IVNS1ABP: variants seen among roughly 807,000 people sequenced by gnomAD.
The protein encoded by IVNS1ABP is influenza virus NS1A-binding protein.
A neutral mutation model predicts 78.9 loss-of-function variants in IVNS1ABP; 25 were observed. The observed-to-expected ratio is 0.32, with a 90% CI of 0.23 to 0.44. The LOEUF is 0.44. Among genes scored for constraint, IVNS1ABP ranks in the 20% least tolerant of loss-of-function variants. The pLI, the probability that IVNS1ABP is intolerant of heterozygous loss-of-function variation, is 1.00. For synonymous variants in IVNS1ABP, 241 were observed against 259.7 expected, an observed-to-expected ratio of 0.93 and a Z score of 0.69; for missense variants, 494 against 768.9, an observed-to-expected ratio of 0.64 and a Z score of 4.23.
chr1:185,305,816 T>A lies in IVNS1ABP; in HGVS notation c.658-173A>T, dbSNP rs12143519. The A allele has an allele frequency of 2.9e-6, 2 of 689,440 alleles. No individual in the cohort carries two copies. The highest frequency in any genetic ancestry group is 2.2e-6 in the Non-Finnish European group (1 of 460,246). 42.7% of individuals were successfully genotyped at this position (689,440 alleles called of 1,614,324 possible). A position where few individuals can be genotyped will look rare whatever the true frequency, so the allele number is the denominator to read the frequency against. On this transcript the variant is annotated intron_variant, in intron 7 of 14. Coordinates refer to ENST00000367498, the MANE Select transcript of IVNS1ABP (RefSeq NM_006469.5). The surrounding 1 kb of genome is among the most constrained non-coding windows in gnomAD (Gnocchi z 4.0). ...AAAATACATGTCATGGTGGTAAAAA[T>A]TAAAAAACAAAAACAAAAAACCAAA...
Position 185,309,008 on chromosome 1 carries a change from A to C in IVNS1ABP, c.276T>G (p.Thr92=), listed in dbSNP as rs1046328340. The change falls in exon 4 of 15, where the codon ACT becomes ACG. Residue 92 remains threonine (T), a synonymous_variant. Coordinates refer to ENST00000367498, the MANE Select transcript of IVNS1ABP (RefSeq NM_006469.5). Reference sequence around the variant, plus strand: ...TTTACTTCAAATGTACTTACTGAGCAGTGTAGGCATAATTCAACAAGACTT... The same window carrying C: ...TTTACTTCAAATGTACTTACTGAGCCGTGTAGGCATAATTCAACAAGACTT... ...AVEVLLNYAY[T]AQLKADKELV... is the part of the protein sequence containing the mutation. 6.2e-7 allele frequency: 1 copy of C among 1,606,670 alleles called. No homozygotes were observed. Among genetic ancestry groups the C allele is most frequent in the African/African-American group, 1.3e-5 (1 of 74,510 alleles).
chr1:185,299,025 A>T (rs1308391954), intron 14 of IVNS1ABP: 1 of 152,246 alleles, frequency 6.6e-6, no homozygotes, highest in Non-Finnish European at 1.5e-5. Context: ...CTGATTCTCA[A>T]ATTCATTATT....
In IVNS1ABP at chr1:185,305,077, T is replaced by TA. The variant is rs1221596722; in HGVS notation, c.765+458dup. ...ACATATGATCCACCACTTTTAGACT[T>TA]ATTACATTGTATAGTCCATCTTAAC... is the stretch of plus-strand genomic sequence containing the variant. On this transcript the variant is annotated intron_variant, in intron 8 of 14. Coordinates refer to ENST00000367498, the MANE Select transcript of IVNS1ABP (RefSeq NM_006469.5). The surrounding 1 kb of genome is among the most constrained non-coding windows in gnomAD (Gnocchi z 4.0). 6.6e-6 allele frequency among the ~76,000 whole-genome samples: 1 copy of TA among 152,154 alleles called. No individual in the cohort carries two copies. The highest frequency in any genetic ancestry group is 6.6e-5 in the Admixed American group (1 of 15,260).
At chr1:185,307,843 C>A in intron 5 of IVNS1ABP, 181 bp from the exon 6 acceptor site, 1 of 1,273,368 alleles carries the variant, frequency 7.9e-7, no homozygotes, top group Non-Finnish European at 1.1e-6. Context: ...TTATGCCATA[C>A]AGATATGTAA....
intron 8 of IVNS1ABP, among the ~76,000 whole-genome samples, chr1:185,304,950 T>C (rs1665697707): frequency 6.6e-6 from 1 of 152,154 alleles, no homozygotes; most frequent in Non-Finnish European, 1.5e-5. Context: ...AGGGGAAAAA[T>C]GAAATTGGAT....
chr1:185,305,407 A>G lies in IVNS1ABP; in HGVS notation c.765+129T>C, dbSNP rs1365185640. The G allele has an allele frequency of 5.3e-6, 5 of 945,772 alleles. No individual in the cohort carries two copies. Among genetic ancestry groups the G allele is most frequent in the Middle Eastern group, 2.3e-4 (1 of 4,292 alleles). 58.6% of individuals were successfully genotyped at this position (945,772 alleles called of 1,614,324 possible). ...TCTAAGATATGCTTGTTTTCTCCCAAAAATGTTTCTGTCCAGTTATACCAA... is the reference window on the plus strand; with the variant it reads ...TCTAAGATATGCTTGTTTTCTCCCAGAAATGTTTCTGTCCAGTTATACCAA... On this transcript the variant is annotated intron_variant, in intron 8 of 14. Coordinates refer to ENST00000367498, the MANE Select transcript of IVNS1ABP (RefSeq NM_006469.5). This position sits in a 1 kb window ranked among gnomAD's most constrained non-coding sequence, Gnocchi z 4.0.
intron 2 of IVNS1ABP, among the ~76,000 whole-genome samples, chr1:185,309,949 T>C (rs2102821338): frequency 6.6e-6 from 1 of 152,322 alleles, no homozygotes; most frequent in African/African-American, 2.4e-5. Flanking sequence ...AAACTGTTAC[T>C]TATCCTAATC....
chr1:185,312,557 A>T (rs1341381506), intron 1 of IVNS1ABP, among the ~76,000 whole-genome samples: 2 of 152,200 alleles, frequency 1.3e-5, no homozygotes, highest in African/African-American at 4.8e-5. Flanking sequence ...CATGTGTCCT[A>T]ACAGGTCTCT....
chr1:185,312,307 G>C (rs758473418), intron 1 of IVNS1ABP, among the ~76,000 whole-genome samples: 1 of 151,984 alleles, frequency 6.6e-6, no homozygotes, highest in Non-Finnish European at 1.5e-5. Context: ...TACTTATTTT[G>C]TAATCACCTG....
chr1:185,317,210 A>G lies in IVNS1ABP; in HGVS notation c.-504T>C. The G allele has an allele frequency of 2.5e-6, 1 of 397,834 alleles. No individual in the cohort carries two copies. Among genetic ancestry groups the G allele is most frequent in the Non-Finnish European group, 4.4e-6 (1 of 225,904 alleles). The allele number at this position is 397,834 out of a possible 1,614,324, so 24.6% of individuals were successfully genotyped here. ...GGAGAAACTGCGCCCAGCAGCTCTG[A>G]GCGACCGACCTCCACGCGCGACCGG... On this transcript the variant is annotated 5_prime_UTR_variant, in exon 1 of 15. Transcript: ENST00000367498.
In IVNS1ABP at chr1:185,309,086, A is replaced by C. The variant is rs1183547700; in HGVS notation, c.198T>G (p.Asp66Glu). ...YLFEIFNSDS[D>E]PHGISHVKFD... ...ATTTAACGTGAGAAATTCCATGAGG[A>C]TCACTATCACTATTAAAGATTTCAA... Residue 66 changes from aspartate (D) to glutamate (E), a missense_variant, in exon 4 of 15, where the codon GAT becomes GAG. By Grantham distance (45) the Asp-to-Glu change is conservative. Transcript: ENST00000367498. The C allele has an allele frequency of 1.2e-6, 2 of 1,612,554 alleles. No homozygotes were observed. The highest frequency in any genetic ancestry group is 2.2e-5 in the East Asian group (1 of 44,846).
At chr1:185,314,289 A>G (rs1665958141) in intron 1 of IVNS1ABP, among the ~76,000 whole-genome samples, 1 of 152,210 alleles carries the variant, frequency 6.6e-6, no homozygotes, top group Non-Finnish European at 1.5e-5. Context: ...TCACTACAAC[A>G]CAAACATATG....
At chr1:185,299,481 T>C (rs918347093) in intron 14 of IVNS1ABP, 9 of 550,040 alleles carry the variant, frequency 1.6e-5, no homozygotes, top group Non-Finnish European at 2.6e-5. Flanking sequence ...ATTCACTCAG[T>C]GCACCCATCA....
At chr1:185,299,597 A>T (rs565684639) in intron 14 of IVNS1ABP, 113 bp downstream of exon 14, 1 of 948,142 alleles carries the variant, frequency 1.1e-6, no homozygotes, top group East Asian at 2.4e-5. Flanking sequence ...AAAAGAGATG[A>T]CTGCTTCTGA....
rs945261026 is a variant in IVNS1ABP, at chr1:185,298,349, C to G, written c.1676-61G>C. On this transcript the variant is annotated intron_variant, in intron 14 of 14. Coordinates refer to ENST00000367498, the MANE Select transcript of IVNS1ABP (RefSeq NM_006469.5). This position sits in a 1 kb window ranked among gnomAD's most constrained non-coding sequence, Gnocchi z 4.1. ...TAAAGTGTAATAAGGTAAAACTCCC[C>G]TAAATCTGTCTTTTGCTTAAAAATC... The G allele has an allele frequency of 1.4e-6, 2 of 1,445,598 alleles. No individual in the cohort carries two copies. The highest frequency in any genetic ancestry group is 4.2e-5 in the Admixed American group (2 of 47,330). 89.5% of individuals were successfully genotyped at this position (1,445,598 alleles called of 1,614,324 possible).
In IVNS1ABP at chr1:185,301,020, G is replaced by A. The variant is rs756921311; in HGVS notation, c.1072C>T (p.Arg358Ter). ...ATCTCTGCTGTTCCCAGACCAGATC[G>A]TGCGTACTGCATAGGAGACATGGGC... ...EKPMSPMQYA[R>*]SGLGTAEMNG... The change falls in exon 10 of 15, where the codon CGA becomes TGA. Residue 358 changes from arginine (R) to a stop codon, truncating the protein, a stop_gained. Transcript: ENST00000367498. LOFTEE classifies it high-confidence loss of function. 1 of 1,613,422 alleles carries A rather than the reference G, an allele frequency of 6.2e-7. No individual in the cohort carries two copies. The highest frequency in any genetic ancestry group is 8.5e-7 in the Non-Finnish European group (1 of 1,179,644).
chr1:185,299,323 T>G (rs1222852440), intron 14 of IVNS1ABP: 1 of 188,352 alleles, frequency 5.3e-6, no homozygotes. Context: ...TATTTCCAAT[T>G]AGGTATGGAG....
intron 8 of IVNS1ABP, among the ~76,000 whole-genome samples, chr1:185,304,199 T>G (rs1665676416): frequency 6.6e-6 from 1 of 152,134 alleles, no homozygotes; most frequent in African/African-American, 2.4e-5. Flanking sequence ...TAAGCCTGTA[T>G]TGTTTTGCCC....
Position 185,297,887 on chromosome 1 carries a change from A to G in IVNS1ABP, c.*148T>C. 1.4e-6 allele frequency: 1 copy of G among 713,682 alleles called. No individual in the cohort carries two copies. Among genetic ancestry groups the G allele is most frequent in the Non-Finnish European group, 2.3e-6 (1 of 426,156 alleles). The allele number at this position is 713,682 out of a possible 1,614,324, so 44.2% of individuals were successfully genotyped here. A position where few individuals can be genotyped will look rare whatever the true frequency, so the allele number is the denominator to read the frequency against. On this transcript the variant is annotated 3_prime_UTR_variant, in exon 15 of 15. Transcript: ENST00000367498. Reference sequence around the variant, plus strand: ...TTCCAAATAAACCCAAAAAGTATGTACAGCATGTTTAATAGTATGCAATAT... The same window carrying G: ...TTCCAAATAAACCCAAAAAGTATGTGCAGCATGTTTAATAGTATGCAATAT...
Sources: allele counts gnomAD v4.1 joint callset (sites outside exome capture counted in the v4.1 genomes callset), GRCh38; gene constraint gnomAD v4.1.1; non-coding constraint Gnocchi (gnomAD v3.1); transcripts MANE v1.5; gene names NCBI Gene and HGNC (gene_info 2026-07-23, HGNC 2026-07-21).